IARS1: variants seen among roughly 807,000 people sequenced by gnomAD.
The protein encoded by IARS1 is isoleucyl-tRNA synthetase 1.
IARS1 carries 124 observed loss-of-function variants against 168.2 expected under a neutral mutation model. The observed-to-expected ratio is 0.74, with a 90% CI of 0.64 to 0.86. The LOEUF (loss-of-function observed/expected upper bound fraction) is 0.86. Ranked by LOEUF, IARS1 falls within the 40% of genes least tolerant of loss-of-function variation. IARS1 has a pLI of 0.00. For missense variants in IARS1, 1,452 were observed against 1,515.8 expected (o/e 0.96, Z 0.70); for synonymous variants, 532 against 529.4 (o/e 1.00, Z -0.07).
At chr9:92,214,274 G>T (rs1250597577) in intron 33 of IARS1, among the ~76,000 whole-genome samples, 1 of 151,916 alleles carries the variant, frequency 6.6e-6, no homozygotes, top group Non-Finnish European at 1.5e-5. Context: ...GAATAGAATG[G>T]TCTGGGTGTG....
rs780187451 is a variant in IARS1 at position 92,242,321 on chromosome 9, C to T, written c.3010G>A (p.Val1004Ile). The change falls in exon 29 of 34, where the codon GTT becomes ATT. Residue 1004 changes from valine to isoleucine, a missense_variant. Val to Ile is a conservative substitution (Grantham distance 29). Transcript: ENST00000443024. ...TACACTGTGATTTCATCAGTTGGAA[C>T]CAGATTGCACTGAAAACACACACAG... Reference protein sequence around the residue: ...IQKLRKKCNLVPTDEITVYYK... With the variant: ...IQKLRKKCNLIPTDEITVYYK... 6.2e-7 allele frequency: 1 copy of T among 1,609,616 alleles called. No homozygotes were observed. Among genetic ancestry groups the T allele is most frequent in the South Asian group, 1.1e-5 (1 of 90,048 alleles).
At chr9:92,245,513 C>T (rs982537886) in intron 26 of IARS1, among the ~76,000 whole-genome samples, 16 of 152,256 alleles carry the variant, frequency 1.1e-4, no homozygotes, top group East Asian at 5.8e-4. Context: ...TAAAATGAGA[C>T]GGGCAGTGTG....
intron 7 of IARS1, among the ~76,000 whole-genome samples, chr9:92,279,390 C>T (rs1332766672): frequency 6.6e-6 from 1 of 152,194 alleles, no homozygotes; most frequent in African/African-American, 2.4e-5. Flanking sequence ...CACAGAATGG[C>T]TAGTGACCCA....
chr9:92,268,552 G>A (rs559796269), intron 13 of IARS1, among the ~76,000 whole-genome samples: 1 of 152,308 alleles, frequency 6.6e-6, no homozygotes, highest in South Asian at 2.1e-4. Context: ...TTCAACTGGA[G>A]TACAGCTGCC....
At chr9:92,272,969 A>G (rs1293378203) in intron 10 of IARS1, among the ~76,000 whole-genome samples, 1 of 151,964 alleles carries the variant, frequency 6.6e-6, no homozygotes, top group East Asian at 1.9e-4. Context: ...GAATAGATAT[A>G]TGAGATATAA....
chr9:92,253,971 CT>C (rs1301846708), intron 20 of IARS1: 4 of 435,424 alleles, frequency 9.2e-6, no homozygotes, highest in African/African-American at 2.0e-5. Context: ...AAACATTTTG[CT>C]TGTCACAACT....
At chr9:92,279,795 T>TC (rs1348798420) in intron 7 of IARS1, among the ~76,000 whole-genome samples, 5 of 152,206 alleles carry the variant, frequency 3.3e-5, no homozygotes, top group African/African-American at 1.2e-4. Context: ...AAACAATAAC[T>TC]CCCCCTTCCC....
chr9:92,281,772 A>G (rs866986049), intron 6 of IARS1, among the ~76,000 whole-genome samples: 1 of 152,190 alleles, frequency 6.6e-6, no homozygotes, highest in African/African-American at 2.4e-5. Context: ...TGCAATTTAA[A>G]TAAAGTGACA....
chr9:92,241,103 CA>C lies in IARS1; in HGVS notation c.3178-143del. Reference sequence around the variant, plus strand: ...TATTCAATCTCATTACTCAAAGTATCAAAAGCTACAATTTATATCCCATTTT... The same window carrying C: ...TATTCAATCTCATTACTCAAAGTATCAAAGCTACAATTTATATCCCATTTT... On this transcript the variant is annotated intron_variant, in intron 29 of 33. Transcript: ENST00000443024. 5 of 528,460 alleles carry C rather than the reference CA, an allele frequency of 9.5e-6. 1 individual carries two copies. In the Admixed American group the frequency reaches 1.6e-4, roughly 17 times the overall value. The allele number at this position is 528,460 out of a possible 1,614,324, so 32.7% of individuals were successfully genotyped here.
At chr9:92,213,959 G>T (rs941327630) in intron 33 of IARS1, among the ~76,000 whole-genome samples, 1 of 151,990 alleles carries the variant, frequency 6.6e-6, no homozygotes, top group Non-Finnish European at 1.5e-5. Flanking sequence ...TTACAGGCAT[G>T]TGCCACCATG....
intron 30 of IARS1, among the ~76,000 whole-genome samples, chr9:92,239,236 T>A (rs1394323176): frequency 6.6e-6 from 1 of 152,256 alleles, no homozygotes; most frequent in Non-Finnish European, 1.5e-5. Context: ...ACTGGTCTGC[T>A]GGGAACGGAT....
At chr9:92,251,014 T>C in intron 22 of IARS1, 180 bp from the exon 23 acceptor site, 1 of 665,164 alleles carries the variant, frequency 1.5e-6, no homozygotes, top group Non-Finnish European at 2.7e-6. Flanking sequence ...GAAGCATAGC[T>C]GCAGGACTGT....
intron 31 of IARS1, among the ~76,000 whole-genome samples, chr9:92,225,465 C>G (rs1425888785): frequency 6.6e-6 from 1 of 151,924 alleles, no homozygotes; most frequent in African/African-American, 2.4e-5. Flanking sequence ...TATGGCTCAG[C>G]TAGAAGAGAA....
intron 33 of IARS1, among the ~76,000 whole-genome samples, chr9:92,215,857 T>C (rs1838585938): frequency 6.6e-6 from 1 of 152,108 alleles, no homozygotes; most frequent in South Asian, 2.1e-4. Context: ...TGCAGGATAT[T>C]ATCCAGGAGA....
chr9:92,210,783 C>G lies in IARS1; in HGVS notation c.*24G>C, dbSNP rs1456006042. On this transcript the variant is annotated 3_prime_UTR_variant, in exon 34 of 34. Transcript: ENST00000443024. Reference sequence around the variant, plus strand: ...ATAGGTGTAATTAGGGAAGGGCTGACCGAACAACATTGATAAGTACATGCT... The same window carrying G: ...ATAGGTGTAATTAGGGAAGGGCTGAGCGAACAACATTGATAAGTACATGCT... 1 of 1,474,424 alleles carries G rather than the reference C, an allele frequency of 6.8e-7. No individual in the cohort carries two copies. Among genetic ancestry groups the G allele is most frequent in the Non-Finnish European group, 9.5e-7 (1 of 1,053,710 alleles). 91.3% of individuals were successfully genotyped at this position (1,474,424 alleles called of 1,614,324 possible). A position where few individuals can be genotyped will look rare whatever the true frequency, so the allele number is the denominator to read the frequency against.
intron 1 of IARS1, 135 bp from the exon 2 acceptor site, chr9:92,289,561 T>A: frequency 1.7e-6 from 1 of 605,680 alleles, no homozygotes; most frequent in East Asian, 2.8e-5. Flanking sequence ...ACAATTTACA[T>A]AGTGTAATGT....
At chr9:92,225,348 C>T (rs1448754872) in intron 31 of IARS1, among the ~76,000 whole-genome samples, 2 of 152,080 alleles carry the variant, frequency 1.3e-5, no homozygotes, top group Admixed American at 6.6e-5. Flanking sequence ...TATATATTAG[C>T]CAATTCTTAT....
At chr9:92,232,931 T>C (rs368939416) in intron 30 of IARS1, among the ~76,000 whole-genome samples, 1 of 152,246 alleles carries the variant, frequency 6.6e-6, no homozygotes. Flanking sequence ...CCTGCAATCC[T>C]ATTAATCAAG....
chr9:92,289,046 TA>T (rs1835898373), intron 2 of IARS1, among the ~76,000 whole-genome samples: 1 of 151,654 alleles, frequency 6.6e-6, no homozygotes, highest in African/African-American at 2.4e-5. Flanking sequence ...CCGTCTCTAC[TA>T]AAACACAAGA....
Sources: allele counts gnomAD v4.1 joint callset (sites outside exome capture counted in the v4.1 genomes callset), GRCh38; gene constraint gnomAD v4.1.1; transcripts MANE v1.5; gene names NCBI Gene and HGNC (gene_info 2026-07-23, HGNC 2026-07-21).